The following TICRR variants were observed in gnomAD, a reference collection of about 807,000 sequenced individuals.
The protein encoded by TICRR is TOPBP1 interacting checkpoint and replication regulator.
TICRR carries 132 observed loss-of-function variants against 178.1 expected under a neutral mutation model. That is an observed-to-expected ratio of 0.74 (90% confidence interval 0.64 to 0.86). The LOEUF (loss-of-function observed/expected upper bound fraction) is 0.86, where lower values mean the gene tolerates loss of function less well. Ranked by LOEUF, TICRR falls within the 40% of genes least tolerant of loss-of-function variation. The pLI, the probability that TICRR is intolerant of heterozygous loss-of-function variation, is 0.00. For missense variants in TICRR, 2,587 were observed against 2,334.3 expected (o/e 1.11, Z -2.23); for synonymous variants, 991 against 900.7 (o/e 1.10, Z -1.79).
rs765638752 is a variant in TICRR, at chr15:89,585,844, T to C, written c.1313T>C (p.Val438Ala). The C allele has an allele frequency of 1.2e-6, 2 of 1,614,078 alleles. No individual in the cohort carries two copies. Among genetic ancestry groups the C allele is most frequent in the South Asian group, 2.2e-5 (2 of 91,066 alleles). ...EFQRHVLQTA[V>A]ADSPRDTASL... ...CAACGACATGTTCTCCAAACAGCTG[T>C]GGCTGACAGCCCCCGGGACACAGCT... Residue 438 changes from valine (V) to alanine (A), a missense_variant, in exon 4 of 22, where the codon GTG becomes GCG. Transcript: ENST00000268138.
At chr15:89,598,553 G>T (rs1406153734) in intron 7 of TICRR, among the ~76,000 whole-genome samples, 1 of 151,890 alleles carries the variant, frequency 6.6e-6, no homozygotes, top group African/African-American at 2.4e-5. Flanking sequence ...TAGTAGAGAA[G>T]AGGTTTCACC....
chr15:89,599,637 T>C (rs529793474), intron 8 of TICRR, among the ~76,000 whole-genome samples, 162 bp downstream of exon 8: 9 of 152,158 alleles, frequency 5.9e-5, no homozygotes, highest in African/African-American at 1.9e-4. Context: ...TCTCAGAAGG[T>C]GGATATGGTG....
chr15:89,597,221 C>A (rs997372553), intron 7 of TICRR, among the ~76,000 whole-genome samples: 1 of 151,794 alleles, frequency 6.6e-6, no homozygotes, highest in African/African-American at 2.4e-5. Flanking sequence ...TGTCTTTGCT[C>A]CTTTGTCAAA....
intron 4 of TICRR, chr15:89,591,841 T>G: frequency 2.4e-6 from 1 of 416,228 alleles, no homozygotes; most frequent in East Asian, 3.4e-5. Context: ...AGACTTTAAA[T>G]TGTGTCTGTA....
intron 7 of TICRR, among the ~76,000 whole-genome samples, chr15:89,598,116 TCCAGGAG>T (rs1963028886): frequency 7.1e-6 from 1 of 141,694 alleles, no homozygotes; most frequent in Admixed American, 7.3e-5. Context: ...ACTTGTTAGT[TCCAGGAG>T]TTTTTTGTTT....
intron 1 of TICRR, among the ~76,000 whole-genome samples, chr15:89,579,415 G>A (rs1434036979): frequency 1.3e-5 from 2 of 152,028 alleles, no homozygotes; most frequent in Non-Finnish European, 2.9e-5. Flanking sequence ...GCGCAATCTC[G>A]GCTCACTGCA....
intron 4 of TICRR, among the ~76,000 whole-genome samples, chr15:89,587,078 G>A (rs535975135): frequency 1.3e-5 from 2 of 152,318 alleles, no homozygotes; most frequent in African/African-American, 4.8e-5. Flanking sequence ...AGTAGTTGGA[G>A]CTCTTGGATA....
intron 1 of TICRR, among the ~76,000 whole-genome samples, chr15:89,577,462 A>G (rs1206022501): frequency 2.6e-5 from 4 of 152,154 alleles, no homozygotes; most frequent in Non-Finnish European, 5.9e-5. Flanking sequence ...TGCTGGGGAC[A>G]TGGTAACCAA....
chr15:89,597,134 T>G (rs1438172205), intron 7 of TICRR, among the ~76,000 whole-genome samples: 1 of 152,168 alleles, frequency 6.6e-6, no homozygotes, highest in African/African-American at 2.4e-5. Flanking sequence ...TGTTTGAATA[T>G]TCAACATTTT....
intron 16 of TICRR, chr15:89,617,915 C>G: frequency 2.1e-6 from 1 of 479,666 alleles, no homozygotes. Context: ...TGGTCTCGAA[C>G]TCCTGACCTC....
rs147300817 is a variant in TICRR at position 89,624,087 on chromosome 15, C to T, written c.3777C>T (p.Gly1259=). The T allele has an allele frequency of 4.3e-6, 7 of 1,613,792 alleles. No individual in the cohort carries two copies. The highest frequency in any genetic ancestry group is 3.3e-5 in the Admixed American group (2 of 59,970). ...CTCCGAGAGCAGCAGCCTTCATGGG[C>T]ACGCCTCAGAATCAAACACACCAAC... ...RTPPRAAAFM[G]TPQNQTHQQP... The change falls in exon 20 of 22, where the codon GGC becomes GGT. Residue 1259 remains glycine, a synonymous_variant. Transcript: ENST00000268138.
chr15:89,627,066 A>C lies in TICRR; in HGVS notation c.5713A>C (p.Thr1905Pro), dbSNP rs1238624790. The stretch of plus-strand genomic sequence containing the variant: ...TTATACACGGAAGAAGCTCATGGGA[A>C]CCTGGCTGGAGGACTTATAGCCACA... ...RTYTRKKLMG[T>P]WLEDL is the part of the protein sequence containing the mutation. Residue 1905 changes from threonine to proline, a missense_variant, in exon 22 of 22, where the codon ACC (threonine) becomes CCC (proline). Transcript: ENST00000268138. 6.2e-7 allele frequency: 1 copy of C among 1,613,998 alleles called. No homozygotes were observed. Among genetic ancestry groups the C allele is most frequent in the African/African-American group, 1.3e-5 (1 of 74,916 alleles).
At chr15:89,584,217 A>C in intron 2 of TICRR, 69 bp from the exon 3 acceptor site, 1 of 1,410,938 alleles carries the variant, frequency 7.1e-7, no homozygotes, top group South Asian at 1.5e-5. Context: ...TCTATTCCTT[A>C]TATTGGAATT....
intron 16 of TICRR, among the ~76,000 whole-genome samples, chr15:89,617,523 C>G (rs1963354082): frequency 6.6e-6 from 1 of 152,024 alleles, no homozygotes; most frequent in Admixed American, 6.6e-5. Flanking sequence ...CACATTCTAA[C>G]CATCTCACTC....
chr15:89,609,098 ATCTTTTT>A (rs1371063016), intron 15 of TICRR, 149 bp downstream of exon 15: 9 of 167,422 alleles, frequency 5.4e-5, no homozygotes, highest in Non-Finnish European at 5.9e-5. Context: ...AATTTTGTTA[ATCTTTTT>A]TTTTTTTTTT....
At position 89,625,165 on chromosome 15, in the gene TICRR, C is replaced by G. The variant is rs1348451682; in HGVS notation, c.4855C>G (p.Pro1619Ala). 6.2e-7 allele frequency: 1 copy of G among 1,613,714 alleles called. No homozygotes were observed. The highest frequency in any genetic ancestry group is 8.5e-7 in the Non-Finnish European group (1 of 1,179,912). The change falls in exon 20 of 22, where the codon CCC becomes GCC. Residue 1619 changes from proline (P) to alanine (A), a missense_variant. Coordinates refer to ENST00000268138, the MANE Select transcript of TICRR (RefSeq NM_152259.4). ...CAGCAGGTCCTTAAGCAAACCTGAACCCACCTATGTGTCACCCCCCTGCCC... is the reference window on the plus strand; with the variant it reads ...CAGCAGGTCCTTAAGCAAACCTGAAGCCACCTATGTGTCACCCCCCTGCCC... The part of the protein sequence containing the change: ...RASRSLSKPE[P>A]TYVSPPCPRL...
At chr15:89,616,299 G>C (rs1015733522) in intron 15 of TICRR, 106 bp from the exon 16 acceptor site, 2 of 821,110 alleles carry the variant, frequency 2.4e-6, no homozygotes, top group African/African-American at 3.4e-5. Flanking sequence ...ATCCTCTCCA[G>C]CTAGGTAATA....
chr15:89,577,314 C>T (rs1338559982), intron 1 of TICRR, among the ~76,000 whole-genome samples: 4 of 152,228 alleles, frequency 2.6e-5, no homozygotes, highest in South Asian at 2.1e-4. Context: ...TTTGCTGAGG[C>T]GGTGAGGCCC....
chr15:89,579,757 T>A (rs1962689912), intron 1 of TICRR: 1 of 152,232 alleles, frequency 6.6e-6, no homozygotes, highest in South Asian at 2.1e-4. Flanking sequence ...TTGAGCTCAC[T>A]TGCTGAGCCT....
Sources: allele counts gnomAD v4.1 joint callset (sites outside exome capture counted in the v4.1 genomes callset), GRCh38; gene constraint gnomAD v4.1.1; transcripts MANE v1.5; gene names NCBI Gene and HGNC (gene_info 2026-07-23, HGNC 2026-07-21).